FAM227A: variants seen among roughly 807,000 people sequenced by gnomAD.
FAM227A encodes the protein protein FAM227A.
A neutral mutation model predicts 74.7 loss-of-function variants in FAM227A; 80 were observed. The ratio of observed to expected loss-of-function variants is 1.07; its 90% CI spans 0.89 to 1.29. The LOEUF is 1.29. Ranked by LOEUF, FAM227A falls within the 50% of genes most tolerant of loss-of-function variation. The pLI is 0.00. For synonymous variants in FAM227A, 237 were observed against 241.8 expected (o/e 0.98, Z 0.19); for missense variants, 654 against 683.4 (o/e 0.96, Z 0.48).
chr22:38,591,276 A>G (rs938454140), intron 16 of FAM227A, 159 bp downstream of exon 16: 11 of 1,323,206 alleles, frequency 8.3e-6, no homozygotes, highest in African/African-American at 1.5e-5. Flanking sequence ...GTGAGCTATG[A>G]TGGCACCACT....
chr22:38,595,973 G>GC (rs1262417290), intron 15 of FAM227A, among the ~76,000 whole-genome samples: 2 of 148,534 alleles, frequency 1.3e-5, no homozygotes, highest in African/African-American at 5.0e-5. Flanking sequence ...ACTAATAAGG[G>GC]GGGGGGGGCA....
chr22:38,595,216 C>A (rs2091019719), intron 15 of FAM227A, among the ~76,000 whole-genome samples: 1 of 152,194 alleles, frequency 6.6e-6, no homozygotes, highest in South Asian at 2.1e-4. Flanking sequence ...AGCTGTCTAG[C>A]CAATAGCAAT....
At chr22:38,630,064 G>T (rs1382757327) in intron 6 of FAM227A, among the ~76,000 whole-genome samples, 1 of 143,956 alleles carries the variant, frequency 6.9e-6, no homozygotes, top group South Asian at 2.3e-4. Context: ...ACACACAGGT[G>T]CCTCTCCTTT....
At chr22:38,641,456 C>A (rs1363417089) in intron 3 of FAM227A, among the ~76,000 whole-genome samples, 1 of 149,910 alleles carries the variant, frequency 6.7e-6, no homozygotes, top group Non-Finnish European at 1.5e-5. Flanking sequence ...GAGGCTGAGG[C>A]AGGAGAATTG....
At chr22:38,598,331 GTAGA>G (rs2091095017) in intron 14 of FAM227A, among the ~76,000 whole-genome samples, 1 of 152,174 alleles carries the variant, frequency 6.6e-6, no homozygotes, top group Non-Finnish European at 1.5e-5. Context: ...TTAGGAATGA[GTAGA>G]TAAAGATATT....
intron 15 of FAM227A, among the ~76,000 whole-genome samples, chr22:38,593,068 C>T (rs1311914230): frequency 1.3e-5 from 2 of 152,216 alleles, no homozygotes; most frequent in African/African-American, 2.4e-5. Flanking sequence ...AGACCTGTAT[C>T]CCAACCTTAG....
intron 14 of FAM227A, among the ~76,000 whole-genome samples, chr22:38,597,747 T>C (rs371907193): frequency 3.9e-5 from 6 of 152,230 alleles, no homozygotes; most frequent in South Asian, 4.1e-4. Context: ...TCATTCTCCA[T>C]CTCGTTTGTA....
intron 1 of FAM227A, among the ~76,000 whole-genome samples, chr22:38,654,225 G>C (rs973370112): frequency 1.3e-5 from 2 of 152,008 alleles, no homozygotes; most frequent in African/African-American, 4.8e-5. Flanking sequence ...GCAGGCGCCT[G>C]TTGTCCCAGC....
At chr22:38,607,818 C>T (rs981869172) in intron 11 of FAM227A, among the ~76,000 whole-genome samples, 6 of 152,146 alleles carry the variant, frequency 3.9e-5, no homozygotes, top group Admixed American at 1.3e-4. Context: ...ATGCAAATTA[C>T]ACGAGTGCTC....
At chr22:38,598,841 C>G (rs1461151218) in intron 14 of FAM227A, among the ~76,000 whole-genome samples, 1 of 152,118 alleles carries the variant, frequency 6.6e-6, no homozygotes, top group Non-Finnish European at 1.5e-5. Context: ...GTTCCTGAGT[C>G]CAGGTGTGTT....
intron 3 of FAM227A, among the ~76,000 whole-genome samples, chr22:38,643,391 A>G (rs1401371194): frequency 1.3e-5 from 2 of 152,130 alleles, no homozygotes; most frequent in Non-Finnish European, 2.9e-5. Flanking sequence ...TCTGCAGACT[A>G]TAAATAAGCA....
chr22:38,607,501 A>AGAGGGAGAAAGC, intron 11 of FAM227A, 25 bp from the exon 12 acceptor site: 1 of 1,441,586 alleles, frequency 6.9e-7, no homozygotes, highest in Non-Finnish European at 9.5e-7. Context: ...AGAGAGAAAG[A>AGAGGGAGAAAGC]GAGGGAGAAA....
chr22:38,598,370 A>G lies in FAM227A; in HGVS notation c.1380-1014T>C, dbSNP rs1399389069. ...TGAGCTTGGAGGTCGAGCTGTGCAC[A>G]TAAGATCTCAAAGCCAGTGGTTGCT... is the stretch of plus-strand genomic sequence containing the variant. On this transcript the variant is annotated intron_variant, in intron 14 of 16. Transcript: ENST00000535113. Among the ~76,000 whole-genome samples, 7 of 152,232 alleles carry G rather than the reference A, an allele frequency of 4.6e-5. No homozygotes were observed. The South Asian group carries it at 6.2e-4, about 13-fold the overall frequency.
intron 9 of FAM227A, among the ~76,000 whole-genome samples, chr22:38,625,781 T>C (rs1211817481): frequency 6.6e-6 from 1 of 151,544 alleles, no homozygotes; most frequent in Admixed American, 6.6e-5. Flanking sequence ...CTGTCTCTAC[T>C]ACAAATACAA....
chr22:38,636,418 G>A, intron 6 of FAM227A, 33 bp downstream of exon 6: 1 of 1,545,436 alleles, frequency 6.5e-7, no homozygotes, highest in Non-Finnish European at 8.7e-7. Context: ...CCATGGGTTG[G>A]CAAACTCAGG....
chr22:38,606,176 T>C (rs2091278431), intron 12 of FAM227A, among the ~76,000 whole-genome samples: 1 of 152,086 alleles, frequency 6.6e-6, no homozygotes, highest in Non-Finnish European at 1.5e-5. Context: ...TCTAAACTTT[T>C]ATTTTTTTTT....
At chr22:38,623,932 G>T (rs1343526439) in intron 9 of FAM227A, among the ~76,000 whole-genome samples, 1 of 152,146 alleles carries the variant, frequency 6.6e-6, no homozygotes, top group Non-Finnish European at 1.5e-5. Context: ...ACTATGCAAA[G>T]CTGCTGGCTC....
chr22:38,634,578 T>C (rs2091969232), intron 6 of FAM227A, among the ~76,000 whole-genome samples: 1 of 152,184 alleles, frequency 6.6e-6, no homozygotes, highest in Non-Finnish European at 1.5e-5. Flanking sequence ...GAGAAGAAAT[T>C]AAAGCTCAGA....
intron 14 of FAM227A, among the ~76,000 whole-genome samples, chr22:38,598,602 A>C (rs2091101892): frequency 1.3e-5 from 2 of 152,248 alleles, no homozygotes; most frequent in Non-Finnish European, 2.9e-5. Flanking sequence ...GAAGACGCAA[A>C]GTCCTCCTAG....
Sources: gnomAD v4.1 joint callset for allele counts (sites outside exome capture counted in the v4.1 genomes callset) on GRCh38, gnomAD v4.1.1 for gene constraint, MANE v1.5 for transcripts, NCBI Gene and HGNC (gene_info 2026-07-23, HGNC 2026-07-21) for gene names.